Variants in RCBTB1 observed in about 807,000 individuals in gnomAD.
The protein encoded by RCBTB1 is RCC1 and BTB domain-containing protein 1.
RCBTB1 carries 46 observed loss-of-function variants against 62.4 expected under a neutral mutation model. That is an observed-to-expected ratio of 0.74 (90% CI 0.58 to 0.94). The LOEUF (loss-of-function observed/expected upper bound fraction) is 0.94, where lower values mean the gene tolerates loss of function less well. Ranked by LOEUF, RCBTB1 falls within the 40% of genes least tolerant of loss-of-function variation. The probability of loss-of-function intolerance (pLI) is 0.00; values close to 1 mark genes in which losing one functional copy is unlikely to be tolerated. For synonymous variants in RCBTB1, 222 were observed against 245.8 expected, an observed-to-expected ratio of 0.90 and a Z score of 0.91; for missense variants, 565 against 654.9, an observed-to-expected ratio of 0.86 and a Z score of 1.50.
At chr13:49,538,766 C>CAT (rs1188749784) in intron 12 of RCBTB1, among the ~76,000 whole-genome samples, 1 of 151,438 alleles carries the variant, frequency 6.6e-6, no homozygotes, top group Non-Finnish European at 1.5e-5. Flanking sequence ...TATACACACA[C>CAT]ACACACATAT....
At chr13:49,549,252 C>G (rs938898065) in intron 9 of RCBTB1, among the ~76,000 whole-genome samples, 1 of 151,332 alleles carries the variant, frequency 6.6e-6, no homozygotes, top group Non-Finnish European at 1.5e-5. Context: ...GAAATGAAAG[C>G]ACTTATGAGA....
intron 2 of RCBTB1, among the ~76,000 whole-genome samples, chr13:49,572,673 G>A (rs779485815): frequency 1.3e-5 from 2 of 151,698 alleles, no homozygotes; most frequent in Non-Finnish European, 2.9e-5. Flanking sequence ...GTGTGGTGGC[G>A]CACGCTGGTA....
intron 10 of RCBTB1, among the ~76,000 whole-genome samples, chr13:49,542,084 C>T (rs1027551133): frequency 1.3e-4 from 20 of 152,012 alleles, no homozygotes; most frequent in African/African-American, 4.3e-4. Context: ...CATGGTGGTG[C>T]ATGCCTATAA....
intron 4 of RCBTB1, among the ~76,000 whole-genome samples, chr13:49,563,943 T>C (rs990429794): frequency 6.6e-6 from 1 of 152,138 alleles, no homozygotes; most frequent in Admixed American, 6.5e-5. Flanking sequence ...ATGCAAATCA[T>C]CTCCCAAATG....
intron 5 of RCBTB1, among the ~76,000 whole-genome samples, chr13:49,559,185 A>C (rs9568257): frequency 0.21 from 32,186 of 152,132 alleles, 3,945 homozygotes; most frequent in African/African-American, 0.33. Flanking sequence ...TACTATATGT[A>C]TCCAATGGAA....
intron 2 of RCBTB1, among the ~76,000 whole-genome samples, chr13:49,577,676 G>T (rs1213137761): frequency 6.6e-6 from 1 of 152,096 alleles, no homozygotes; most frequent in Non-Finnish European, 1.5e-5. Context: ...GACGCTTCTG[G>T]TGTCATTTTA....
intron 1 of RCBTB1, 72 bp downstream of exon 1, chr13:49,585,372 G>A (rs943158186): frequency 6.6e-6 from 1 of 152,154 alleles, no homozygotes; most frequent in Non-Finnish European, 1.5e-5. Context: ...CCCGGCCTGC[G>A]GGGAAGGGAA....
At position 49,546,130 on chromosome 13, in the gene RCBTB1, T is replaced by C. The variant is rs145556185; in HGVS notation, c.1046-1267A>G. The C allele has an allele frequency of 1.8e-4, 174 of 985,352 alleles. 1 individual carries two copies. The East Asian group carries it at 0.014, about 80-fold the overall frequency. 61.0% of individuals were successfully genotyped at this position (985,352 alleles called of 1,614,324 possible). A position where few individuals can be genotyped will look rare whatever the true frequency, so the allele number is the denominator to read the frequency against. The stretch of plus-strand genomic sequence containing the variant: ...CCAAGAGTCCAGGAGTCTAGATTGC[T>C]ACCCCCACCCATCCAAAAAAAAACC... On this transcript the variant is annotated intron_variant, in intron 9 of 12. Coordinates refer to ENST00000378302, the MANE Select transcript of RCBTB1 (RefSeq NM_018191.4).
At chr13:49,579,543 G>A (rs1009261404) in intron 2 of RCBTB1, among the ~76,000 whole-genome samples, 2 of 151,816 alleles carry the variant, frequency 1.3e-5, no homozygotes, top group Non-Finnish European at 2.9e-5. Context: ...AGAATGGCGT[G>A]AGCCCAGGAG....
At position 49,558,124 on chromosome 13, in the gene RCBTB1, T is replaced by C. The variant is rs571996774; in HGVS notation, c.444+1794A>G. ...GTCTGTGGAGTCTGCATGTCCCATGTCTGTGTGGGTTTTCTCTGGGTACTC... is the reference window on the plus strand; with the variant it reads ...GTCTGTGGAGTCTGCATGTCCCATGCCTGTGTGGGTTTTCTCTGGGTACTC... On this transcript the variant is annotated intron_variant, in intron 5 of 12. Transcript: ENST00000378302. Among the ~76,000 whole-genome samples the C allele has an allele frequency of 5.9e-5, 9 of 152,338 alleles. No individual in the cohort carries two copies. The East Asian group carries it at 1.7e-3, about 29-fold the overall frequency.
rs930713355 is a variant in RCBTB1 at position 49,569,899 on chromosome 13, C to A, written c.-41-2579G>T. Among the ~76,000 whole-genome samples, 61 of 152,040 alleles carry A rather than the reference C, an allele frequency of 4.0e-4. 1 individual carries two copies. The highest frequency in any genetic ancestry group is 3.9e-3 in the Admixed American group (60 of 15,258). On this transcript the variant is annotated intron_variant, in intron 2 of 12. Coordinates refer to ENST00000378302, the MANE Select transcript of RCBTB1 (RefSeq NM_018191.4). ...CTCTAACCTGGGTGACAGAGGGAGACCCTGTCTCAAAAAGATTAATAAAAT... is the reference window on the plus strand; with the variant it reads ...CTCTAACCTGGGTGACAGAGGGAGAACCTGTCTCAAAAAGATTAATAAAAT...
intron 10 of RCBTB1, among the ~76,000 whole-genome samples, chr13:49,544,484 AC>A: frequency 6.6e-6 from 1 of 152,046 alleles, no homozygotes; most frequent in Non-Finnish European, 1.5e-5. Context: ...AAACAAACAA[AC>A]AAACAAACAA....
At chr13:49,555,035 G>A (rs1259220765) in intron 6 of RCBTB1, among the ~76,000 whole-genome samples, 4 of 152,160 alleles carry the variant, frequency 2.6e-5, no homozygotes, top group Non-Finnish European at 5.9e-5. Context: ...TAACTAAAGG[G>A]ACAGTTGTTA....
chr13:49,534,996 T>C (rs752112844), intron 12 of RCBTB1, among the ~76,000 whole-genome samples: 3 of 145,302 alleles, frequency 2.1e-5, no homozygotes, highest in Non-Finnish European at 4.5e-5. Flanking sequence ...ATCGCACCAC[T>C]GCACTCTAGC....
chr13:49,549,586 T>C lies in RCBTB1; in HGVS notation c.917A>G (p.His306Arg), dbSNP rs372857521. 1.7e-5 allele frequency: 28 copies of C among 1,614,028 alleles called. No individual in the cohort carries two copies. Among genetic ancestry groups the C allele is most frequent in the Non-Finnish European group, 2.3e-5 (27 of 1,179,988 alleles). The change falls in exon 9 of 13, where the codon CAC (histidine) becomes CGC (arginine). Residue 306 changes from histidine (H) to arginine (R), a missense_variant. Transcript: ENST00000378302. ...CCGGCACTGGCCCCACATGTACACGTGCCCACCCTGCGTCTTGGCTGCAGA... is the reference window on the plus strand; with the variant it reads ...CCGGCACTGGCCCCACATGTACACGCGCCCACCCTGCGTCTTGGCTGCAGA... ...HTSAAKTQGG[H>R]VYMWGQCRGQ...
chr13:49,539,100 T>C (rs7327417), intron 12 of RCBTB1, among the ~76,000 whole-genome samples: 71,314 of 151,578 alleles, frequency 0.47, 17,671 homozygotes, highest in African/African-American at 0.6. Flanking sequence ...AAACTCCTGA[T>C]CTCAAGTGGC....
In RCBTB1 at chr13:49,555,673, C is replaced by A; in HGVS notation, c.445G>T (p.Val149Leu). 2 of 1,555,298 alleles carry A rather than the reference C, an allele frequency of 1.3e-6. No individual in the cohort carries two copies. Among genetic ancestry groups the A allele is most frequent in the Non-Finnish European group, 1.7e-6 (2 of 1,152,266 alleles). The change falls in exon 6 of 13, where the codon GTG becomes TTG. Residue 149 changes from valine to leucine, a missense_variant and splice_region_variant. Val to Leu is a conservative substitution (Grantham distance 32, BLOSUM62 1). Coordinates refer to ENST00000378302, the MANE Select transcript of RCBTB1 (RefSeq NM_018191.4). ...CAGTTGTTATAACCCCAAGCAAACACCTACAAGAGAAAGAAAAAGGAAAAG... is the reference window on the plus strand; with the variant it reads ...CAGTTGTTATAACCCCAAGCAAACAACTACAAGAGAAAGAAAAAGGAAAAG... ...HSMALAADGE[V>L]FAWGYNNCGQ...
rs541581073 is a variant in RCBTB1 at position 49,579,764 on chromosome 13, C to T, written c.-42+741G>A. Among the ~76,000 whole-genome samples, 32 of 152,256 alleles carry T rather than the reference C, an allele frequency of 2.1e-4. 1 individual carries two copies. Among genetic ancestry groups the T allele is most frequent in the Middle Eastern group, 3.4e-3 (1 of 294 alleles). On this transcript the variant is annotated intron_variant, in intron 2 of 12. Transcript: ENST00000378302. ...CCTGTACAGGTGAGTGAAGATAATA[C>T]CCCCACCTTCATTTAGAGAACAGTA...
At chr13:49,578,588 A>G (rs979314560) in intron 2 of RCBTB1, among the ~76,000 whole-genome samples, 3 of 152,252 alleles carry the variant, frequency 2.0e-5, no homozygotes, top group Non-Finnish European at 4.4e-5. Context: ...AATTAAGGAA[A>G]TGAATGTATC....
Sources: allele counts gnomAD v4.1 joint callset (sites outside exome capture counted in the v4.1 genomes callset), GRCh38; gene constraint gnomAD v4.1.1; transcripts MANE v1.5; gene names NCBI Gene and HGNC (gene_info 2026-07-23, HGNC 2026-07-21).